RAB3C: variants seen among roughly 807,000 people sequenced by gnomAD.
The protein encoded by RAB3C is RAB3C, member RAS oncogene family, also known as ras-related protein Rab-3C.
A neutral mutation model predicts 26.4 loss-of-function variants in RAB3C; 17 were observed. That is an observed-to-expected ratio of 0.64 (90% CI 0.44 to 0.97). The LOEUF is 0.97. Ranked by LOEUF, RAB3C falls within the 50% of genes least tolerant of loss-of-function variation. The pLI is 0.00. For missense variants in RAB3C, 242 were observed against 281.9 expected (o/e 0.86, Z 1.01); for synonymous variants, 91 against 95.9 (o/e 0.95, Z 0.30).
chr5:58,791,901 G>C (rs1203368182), intron 3 of RAB3C, among the ~76,000 whole-genome samples: 1 of 152,160 alleles, frequency 6.6e-6, no homozygotes, highest in African/African-American at 2.4e-5. Flanking sequence ...TTTGGCACTG[G>C]CCTTCCATGT....
At chr5:58,683,439 A>G (rs928213722) in intron 2 of RAB3C, among the ~76,000 whole-genome samples, 3 of 152,112 alleles carry the variant, frequency 2.0e-5, no homozygotes, top group African/African-American at 7.2e-5. Flanking sequence ...ACACGTCTGC[A>G]TTTTGGTTAT....
chr5:58,612,487 G>GGTGTGTGTGTGTGT (rs372157686), intron 1 of RAB3C, among the ~76,000 whole-genome samples: 1 of 113,038 alleles, frequency 8.8e-6, no homozygotes, highest in Non-Finnish European at 1.7e-5. Context: ...TGTGTTCCTA[G>GGTGTGTGTGTGTGT]GTGTGTGTGT....
At chr5:58,601,270 A>G (rs1187237379) in intron 1 of RAB3C, among the ~76,000 whole-genome samples, 1 of 152,124 alleles carries the variant, frequency 6.6e-6, no homozygotes, top group African/African-American at 2.4e-5. Flanking sequence ...GGATTTTAGC[A>G]TCTGTGTTCT....
chr5:58,845,022 G>A (rs1283877652), intron 4 of RAB3C, among the ~76,000 whole-genome samples: 6 of 152,154 alleles, frequency 3.9e-5, no homozygotes, highest in Non-Finnish European at 8.8e-5. Context: ...GAAAGCGGGG[G>A]AAGAGGTGGT....
intron 1 of RAB3C, among the ~76,000 whole-genome samples, chr5:58,614,985 G>A (rs1441119807): frequency 6.6e-6 from 1 of 152,094 alleles, no homozygotes; most frequent in African/African-American, 2.4e-5. Flanking sequence ...AGGAGAATAT[G>A]CATAAGTCAT....
Position 58,597,163 on chromosome 5 carries a change from TATA to T in RAB3C, c.24+13938_24+13940del, listed in dbSNP as rs1475401288. Among the ~76,000 whole-genome samples the T allele has an allele frequency of 4.3e-3, 380 of 89,280 alleles. 37 individuals are homozygous for T. The highest frequency in any genetic ancestry group is 6.8e-3 in the Non-Finnish European group (296 of 43,806). 58.6% of individuals were successfully genotyped at this position (89,280 alleles called of 152,430 possible). On this transcript the variant is annotated intron_variant, in intron 1 of 4. Coordinates refer to ENST00000282878, the MANE Select transcript of RAB3C (RefSeq NM_138453.4). ...AATATATACTACATAATATATATTA[TATA>T]ATAATATATACTACATAATATATTA... is the stretch of plus-strand genomic sequence containing the variant.
At chr5:58,785,476 A>G (rs926067448) in intron 3 of RAB3C, among the ~76,000 whole-genome samples, 6 of 152,206 alleles carry the variant, frequency 3.9e-5, no homozygotes, top group African/African-American at 1.4e-4. Flanking sequence ...TCAAGCTTCT[A>G]CTATTTGGAA....
At chr5:58,623,010 C>G (rs931341359) in intron 2 of RAB3C, among the ~76,000 whole-genome samples, 1 of 152,234 alleles carries the variant, frequency 6.6e-6, no homozygotes, top group Non-Finnish European at 1.5e-5. Flanking sequence ...CAGTATCTTT[C>G]AGTAGTTTCT....
intron 2 of RAB3C, among the ~76,000 whole-genome samples, chr5:58,704,780 C>A (rs183225086): frequency 5.9e-5 from 9 of 151,900 alleles, no homozygotes; most frequent in Admixed American, 3.9e-4. Flanking sequence ...ATTTCTGTAT[C>A]TTTTATTCAT....
intron 2 of RAB3C, among the ~76,000 whole-genome samples, chr5:58,693,353 T>TATATATATATATATATATATATAC (rs911414778): frequency 2.7e-4 from 38 of 142,258 alleles, no homozygotes; most frequent in African/African-American, 9.5e-4. Flanking sequence ...TATATATATA[T>TATATATATATATATATATATATAC]ATATATATAA....
intron 3 of RAB3C, among the ~76,000 whole-genome samples, chr5:58,757,691 T>C (rs1482755559): frequency 2.0e-5 from 3 of 152,190 alleles, no homozygotes; most frequent in African/African-American, 7.2e-5. Flanking sequence ...ATAATTTTTT[T>C]CCCCTGCAAC....
At chr5:58,677,260 T>C (rs1748248834) in intron 2 of RAB3C, among the ~76,000 whole-genome samples, 1 of 152,190 alleles carries the variant, frequency 6.6e-6, no homozygotes, top group Admixed American at 6.5e-5. Flanking sequence ...CATAACGACC[T>C]CACTTCAAAA....
intron 2 of RAB3C, among the ~76,000 whole-genome samples, chr5:58,714,344 C>T (rs1040865850): frequency 2.0e-5 from 3 of 152,094 alleles, no homozygotes; most frequent in African/African-American, 7.2e-5. Context: ...TGAAGATAGA[C>T]TATAACTAGA....
chr5:58,625,277 G>A (rs109371), intron 2 of RAB3C, among the ~76,000 whole-genome samples: 56,616 of 151,918 alleles, frequency 0.37, 10,690 homozygotes, highest in Admixed American at 0.44. Context: ...TCTTTATAAG[G>A]TAAGAGGAAA....
intron 2 of RAB3C, among the ~76,000 whole-genome samples, chr5:58,658,957 CAA>C (rs1747840069): frequency 6.6e-6 from 1 of 152,108 alleles, no homozygotes; most frequent in African/African-American, 2.4e-5. Flanking sequence ...GAGCAAGTCG[CAA>C]GTCCAGCCCA....
intron 2 of RAB3C, among the ~76,000 whole-genome samples, chr5:58,698,303 A>G (rs147513182): frequency 0.023 from 3,497 of 152,242 alleles, 137 homozygotes; most frequent in African/African-American, 0.08. Flanking sequence ...AGCTGTTAGT[A>G]TGATGGGCTT....
At chr5:58,734,844 A>G (rs1281801833) in intron 3 of RAB3C, among the ~76,000 whole-genome samples, 1 of 152,222 alleles carries the variant, frequency 6.6e-6, no homozygotes, top group Non-Finnish European at 1.5e-5. Context: ...TGCCCTATAA[A>G]GTTGCCACAG....
At chr5:58,798,075 C>A (rs973469679) in intron 3 of RAB3C, among the ~76,000 whole-genome samples, 1 of 129,058 alleles carries the variant, frequency 7.7e-6, no homozygotes, top group Non-Finnish European at 1.8e-5. Flanking sequence ...AAAGAGTAAT[C>A]ATTCAGAACA....
At chr5:58,630,975 C>A in intron 2 of RAB3C, among the ~76,000 whole-genome samples, 1 of 152,126 alleles carries the variant, frequency 6.6e-6, no homozygotes, top group South Asian at 2.1e-4. Context: ...AGGTGGCTTC[C>A]CTGGAAGCCA....
Sources: gnomAD v4.1 joint callset for allele counts (sites outside exome capture counted in the v4.1 genomes callset) on GRCh38, gnomAD v4.1.1 for gene constraint, MANE v1.5 for transcripts, NCBI Gene and HGNC (gene_info 2026-07-23, HGNC 2026-07-21) for gene names.